YWHAZ: variants seen among roughly 807,000 people sequenced by gnomAD.
The protein encoded by YWHAZ is 14-3-3 protein zeta/delta.
For synonymous variants in YWHAZ, 87 were observed against 103.6 expected, an observed-to-expected ratio of 0.84 and a Z score of 0.97; for missense variants, 79 against 284.8, an observed-to-expected ratio of 0.28 and a Z score of 5.20.
At chr8:100,928,603 C>T (rs1813532030) in intron 2 of YWHAZ, among the ~76,000 whole-genome samples, 1 of 151,458 alleles carries the variant, frequency 6.6e-6, no homozygotes, top group Non-Finnish European at 1.5e-5. Context: ...CGTGGTGGCA[C>T]ACGCCTGGAA....
Position 100,924,825 on chromosome 8 carries a change from A to AGCG in YWHAZ, c.418+90_418+91insCGC. 6.5e-7 allele frequency: 1 copy of AGCG among 1,543,470 alleles called. No individual in the cohort carries two copies. The highest frequency in any genetic ancestry group is 8.8e-7 in the Non-Finnish European group (1 of 1,136,420). ...TACTCCTTATTCGGCACTCTAAGCAATTCAAAACAAGACATTATGTACGCT... is the reference window on the plus strand; with the variant it reads ...TACTCCTTATTCGGCACTCTAAGCAAGCGTTCAAAACAAGACATTATGTACGCT... On this transcript the variant is annotated intron_variant, in intron 3 of 5. Transcript: ENST00000395958. The surrounding 1 kb of genome is among the most constrained non-coding windows in gnomAD (Gnocchi z 5.7).
intron 2 of YWHAZ, among the ~76,000 whole-genome samples, chr8:100,941,460 T>G (rs1480641694): frequency 6.6e-6 from 1 of 152,128 alleles, no homozygotes. Context: ...TCCCAAAAAT[T>G]GTTTGCAAGT....
intron 2 of YWHAZ, among the ~76,000 whole-genome samples, chr8:100,938,181 TGTTA>T (rs1284145306): frequency 6.6e-6 from 1 of 152,186 alleles, no homozygotes; most frequent in Non-Finnish European, 1.5e-5. Flanking sequence ...CCACTTATTT[TGTTA>T]TTCTGACAAC....
At chr8:100,938,670 C>G (rs567178233) in intron 2 of YWHAZ, among the ~76,000 whole-genome samples, 1 of 152,114 alleles carries the variant, frequency 6.6e-6, no homozygotes, top group Non-Finnish European at 1.5e-5. Flanking sequence ...AATCCTAGAT[C>G]TCTTAAAATT....
Position 100,948,092 on chromosome 8 carries a change from G to A in YWHAZ, c.294+504C>T. 1 of 1,534,310 alleles carries A rather than the reference G, an allele frequency of 6.5e-7. No individual in the cohort carries two copies. Among genetic ancestry groups the A allele is most frequent in the Non-Finnish European group, 8.7e-7 (1 of 1,146,404 alleles). ...CAAAATTTACCTTCAAGAATTCAAT[G>A]CAGGAAGAGGTTTCATAGTTGTGAC... On this transcript the variant is annotated intron_variant, in intron 2 of 5. Transcript: ENST00000395958. The surrounding 1 kb of genome is among the most constrained non-coding windows in gnomAD (Gnocchi z 4.2).
At chr8:100,926,355 T>A (rs1813361086) in intron 2 of YWHAZ, among the ~76,000 whole-genome samples, 1 of 152,240 alleles carries the variant, frequency 6.6e-6, no homozygotes, top group South Asian at 2.1e-4. Flanking sequence ...TTAAAAATAC[T>A]GGCCTGAGGC....
Position 100,951,972 on chromosome 8 carries a change from A to C in YWHAZ, c.-55T>G. The C allele has an allele frequency of 3.0e-6, 3 of 1,004,158 alleles. No homozygotes were observed. The highest frequency in any genetic ancestry group is 3.6e-6 in the Non-Finnish European group (3 of 843,190). 62.2% of individuals were successfully genotyped at this position (1,004,158 alleles called of 1,614,324 possible). On this transcript the variant is annotated 5_prime_UTR_variant, in exon 1 of 6. Coordinates refer to ENST00000395958, the MANE Select transcript of YWHAZ (RefSeq NM_145690.3). ...GTGGCGGCGGACGGACGGGCTCAGC[A>C]GTCTCTGGGCGGCGGCGGCGGCAGC...
At chr8:100,949,005 C>T in intron 1 of YWHAZ, 105 bp from the exon 2 acceptor site, 1 of 1,287,596 alleles carries the variant, frequency 7.8e-7, no homozygotes, top group Non-Finnish European at 1.1e-6. Flanking sequence ...AACCTAACTG[C>T]CTGTGAAAGA....
chr8:100,950,344 A>G lies in YWHAZ; in HGVS notation c.-11-1444T>C, dbSNP rs534511916. On this transcript the variant is annotated intron_variant, in intron 1 of 5. Transcript: ENST00000395958. ...GGATAAGGTTTCTCACACAGTAACG[A>G]GTGCTCCAAGGCCTCGCCTCTACAC... 13 of 981,258 alleles carry G rather than the reference A, an allele frequency of 1.3e-5. No individual in the cohort carries two copies. The East Asian group carries it at 1.4e-3, about 103-fold the overall frequency. 60.8% of individuals were successfully genotyped at this position (981,258 alleles called of 1,614,324 possible).
intron 2 of YWHAZ, among the ~76,000 whole-genome samples, chr8:100,937,893 G>A (rs1240933196): frequency 1.3e-5 from 2 of 152,242 alleles, no homozygotes; most frequent in African/African-American, 2.4e-5. Flanking sequence ...CACTTTGGGA[G>A]GCCGAGGCAG....
chr8:100,952,732 C>T, upstream of YWHAZ: 1 of 962,078 alleles, frequency 1.0e-6, no homozygotes, highest in Non-Finnish European at 1.3e-6. Context: ...GGTCGCACGG[C>T]AAGGGAGGGT....
chr8:100,949,930 G>T (rs1199970061), intron 1 of YWHAZ, among the ~76,000 whole-genome samples: 2 of 152,180 alleles, frequency 1.3e-5, no homozygotes, highest in African/African-American at 2.4e-5. Context: ...TGACACCACA[G>T]AATAAATGAC....
At chr8:100,938,666 A>G (rs1283109897) in intron 2 of YWHAZ, among the ~76,000 whole-genome samples, 1 of 152,200 alleles carries the variant, frequency 6.6e-6, no homozygotes, top group South Asian at 2.1e-4. Flanking sequence ...TATAAATCCT[A>G]GATCTCTTAA....
intron 2 of YWHAZ, among the ~76,000 whole-genome samples, chr8:100,933,813 G>C (rs1340268529): frequency 8.5e-5 from 13 of 152,118 alleles, no homozygotes; most frequent in Admixed American, 5.9e-4. Context: ...TTAGTGACCA[G>C]CCTAAGCAAT....
chr8:100,924,429 C>T lies in YWHAZ; in HGVS notation c.419-131G>A. On this transcript the variant is annotated intron_variant, in intron 3 of 5. Transcript: ENST00000395958. This position sits in a 1 kb window ranked among gnomAD's most constrained non-coding sequence, Gnocchi z 5.7. ...AACAGCTTAATATTTGTTAATTGAA[C>T]AAGGTCCTTTTTTTTTTTTAAAGGG... The T allele has an allele frequency of 1.1e-6, 1 of 914,276 alleles. No individual in the cohort carries two copies. Among genetic ancestry groups the T allele is most frequent in the South Asian group, 2.0e-5 (1 of 49,304 alleles). 56.6% of individuals were successfully genotyped at this position (914,276 alleles called of 1,614,324 possible). A position where few individuals can be genotyped will look rare whatever the true frequency, so the allele number is the denominator to read the frequency against.
chr8:100,936,319 T>C (rs567678820), intron 2 of YWHAZ, among the ~76,000 whole-genome samples: 3 of 152,372 alleles, frequency 2.0e-5, no homozygotes, highest in South Asian at 2.1e-4. Context: ...TCTTAAGGCA[T>C]ATACCTTAAA....
chr8:100,925,121 A>G, intron 2 of YWHAZ, 82 bp from the exon 3 acceptor site: 1 of 1,426,278 alleles, frequency 7.0e-7, no homozygotes, highest in Non-Finnish European at 9.4e-7. Flanking sequence ...AGAACAAACT[A>G]TAGCCTAAGT....
rs552599903 is a variant in YWHAZ, at chr8:100,919,682, G to C, written c.*1011C>G. On this transcript the variant is annotated 3_prime_UTR_variant, in exon 6 of 6. Transcript: ENST00000395958. ...AGACTAATTTACATGAAAAGCTGTA[G>C]AGAAAGTAGTTGAAAAGTCCATTCA... 6.6e-6 allele frequency: 1 copy of C among 152,598 alleles called. No individual in the cohort carries two copies. The highest frequency in any genetic ancestry group is 6.5e-5 in the Admixed American group (1 of 15,278). 9.5% of individuals were successfully genotyped at this position (152,598 alleles called of 1,614,324 possible).
chr8:100,918,587 C>T lies in YWHAZ; in HGVS notation c.*2106G>A, dbSNP rs1032200295. On this transcript the variant is annotated 3_prime_UTR_variant, in exon 6 of 6. Transcript: ENST00000395958. ...TAAAGACCCCAAGGTCTCCATTGCA[C>T]TTTTATTTGAATGTAATATTTGGGA... 1.3e-5 allele frequency: 2 copies of T among 151,372 alleles called. No individual in the cohort carries two copies. Among genetic ancestry groups the T allele is most frequent in the Non-Finnish European group, 2.9e-5 (2 of 67,844 alleles). 9.4% of individuals were successfully genotyped at this position (151,372 alleles called of 1,614,324 possible).
Sources: gnomAD v4.1 joint callset for allele counts (sites outside exome capture counted in the v4.1 genomes callset) on GRCh38, gnomAD v4.1.1 for gene constraint, Gnocchi (gnomAD v3.1) non-coding constraint, MANE v1.5 for transcripts, NCBI Gene and HGNC (gene_info 2026-07-23, HGNC 2026-07-21) for gene names.